MINDY4: variants seen among roughly 807,000 people sequenced by gnomAD.
MINDY4 encodes MINDY lysine 48 deubiquitinase 4.
MINDY4 carries 68 observed loss-of-function variants against 87.0 expected under a neutral mutation model. The observed-to-expected ratio is 0.78, with a 90% CI of 0.64 to 0.96. The LOEUF is 0.96. MINDY4 is among the 40% of genes least tolerant of loss of function. The pLI, the probability that MINDY4 is intolerant of heterozygous loss-of-function variation, is 0.00. For missense variants in MINDY4, 919 were observed against 928.2 expected, an observed-to-expected ratio of 0.99 and a Z score of 0.13; for synonymous variants, 379 against 363.2, an observed-to-expected ratio of 1.04 and a Z score of -0.50.
chr7:30,784,247 C>T (rs1210264511), intron 3 of MINDY4, among the ~76,000 whole-genome samples: 1 of 152,216 alleles, frequency 6.6e-6, no homozygotes, highest in Non-Finnish European at 1.5e-5. Context: ...GTTGAAGCTC[C>T]TGAGTCCCAC....
intron 9 of MINDY4, among the ~76,000 whole-genome samples, chr7:30,846,072 TC>T (rs752945933): frequency 6.0e-4 from 92 of 152,232 alleles, no homozygotes; most frequent in Admixed American, 1.3e-3. Flanking sequence ...AGTCCTCCTC[TC>T]ACTTCCACTT....
At chr7:30,881,016 C>G (rs1040235450) in intron 15 of MINDY4, among the ~76,000 whole-genome samples, 2 of 152,188 alleles carry the variant, frequency 1.3e-5, no homozygotes, top group Admixed American at 6.5e-5. Context: ...ATGCCCTTCT[C>G]CCCACTGGAA....
intron 9 of MINDY4, among the ~76,000 whole-genome samples, chr7:30,842,999 C>T (rs1789088426): frequency 6.6e-6 from 1 of 152,118 alleles, no homozygotes; most frequent in Admixed American, 6.5e-5. Context: ...CCAGCTGGTG[C>T]TCTTGCTCAT....
intron 5 of MINDY4, among the ~76,000 whole-genome samples, chr7:30,817,481 C>T (rs954830825): frequency 6.6e-6 from 1 of 150,434 alleles, no homozygotes; most frequent in Non-Finnish European, 1.5e-5. Context: ...TCCAGCAGTT[C>T]AGTCATTCAT....
chr7:30,879,355 A>G (rs1790388712), intron 15 of MINDY4, among the ~76,000 whole-genome samples: 1 of 152,214 alleles, frequency 6.6e-6, no homozygotes, highest in Admixed American at 6.5e-5. Context: ...CACGGCCTTC[A>G]GAAACAACCC....
At chr7:30,851,682 G>A (rs1206635233) in intron 10 of MINDY4, among the ~76,000 whole-genome samples, 10 of 152,190 alleles carry the variant, frequency 6.6e-5, no homozygotes, top group Admixed American at 5.9e-4. Flanking sequence ...CTGTTTTACA[G>A]ATTAGGAAAC....
intron 8 of MINDY4, among the ~76,000 whole-genome samples, chr7:30,840,380 G>A (rs1788994180): frequency 6.6e-6 from 1 of 152,208 alleles, no homozygotes; most frequent in Non-Finnish European, 1.5e-5. Flanking sequence ...TGGAGGAGGA[G>A]AACTTTAGGA....
At chr7:30,851,451 A>C (rs1022075832) in intron 10 of MINDY4, among the ~76,000 whole-genome samples, 1 of 152,242 alleles carries the variant, frequency 6.6e-6, no homozygotes, top group African/African-American at 2.4e-5. Flanking sequence ...AGTTTAAATC[A>C]TTTTATCAAT....
At chr7:30,874,526 G>T (rs1790202961) in intron 14 of MINDY4, among the ~76,000 whole-genome samples, 1 of 152,224 alleles carries the variant, frequency 6.6e-6, no homozygotes, top group Non-Finnish European at 1.5e-5. Context: ...GGGAGGCATG[G>T]GTTGCAGGTG....
chr7:30,799,465 T>A (rs1311173546), intron 5 of MINDY4, among the ~76,000 whole-genome samples: 1 of 152,224 alleles, frequency 6.6e-6, no homozygotes, highest in Admixed American at 6.5e-5. Flanking sequence ...TTCCAGGCTG[T>A]TCCTGGCTGC....
At position 30,840,839 on chromosome 7, in the gene MINDY4, A is replaced by T; in HGVS notation, c.1436A>T (p.Asp479Val). Residue 479 changes from aspartate (D) to valine (V), a missense_variant, in exon 9 of 18, where the codon GAC becomes GTC. Coordinates refer to ENST00000265299, the MANE Select transcript of MINDY4 (RefSeq NM_032222.3). ...CTGTTTGAAGGAGATAGCAAAGCCG[A>T]CTGTGCTCAGTAAGTCAGTGCTCTT... ...KLLFEGDSKA[D>V]CAQGLQPSDA... 1.9e-6 allele frequency: 3 copies of T among 1,614,036 alleles called. No homozygotes were observed. The highest frequency in any genetic ancestry group is 2.5e-6 in the Non-Finnish European group (3 of 1,179,870).
intron 12 of MINDY4, chr7:30,858,968 G>A (rs1584324909): frequency 1.4e-5 from 9 of 663,310 alleles, no homozygotes; most frequent in Admixed American, 1.2e-4. Context: ...CCATAATGGA[G>A]CTGGCCATGA....
At chr7:30,795,187 A>T (rs1477381331) in intron 5 of MINDY4, among the ~76,000 whole-genome samples, 1 of 152,176 alleles carries the variant, frequency 6.6e-6, no homozygotes, top group African/African-American at 2.4e-5. Flanking sequence ...ACACTCCTAC[A>T]GTTGGCTTTC....
chr7:30,868,699 C>T (rs942854415), intron 13 of MINDY4, among the ~76,000 whole-genome samples: 22 of 152,212 alleles, frequency 1.4e-4, no homozygotes, highest in African/African-American at 4.6e-4. Context: ...CTTGATACAG[C>T]GTAGTATCTC....
intron 1 of MINDY4, 49 bp from the exon 2 acceptor site, chr7:30,778,383 C>T (rs200855134): frequency 4.1e-4 from 663 of 1,612,602 alleles, no homozygotes; most frequent in Non-Finnish European, 4.7e-4. Context: ...ATGAGAACAG[C>T]GGGTTTTGAT....
intron 5 of MINDY4, among the ~76,000 whole-genome samples, chr7:30,796,290 C>T (rs1787487293): frequency 6.6e-6 from 1 of 152,140 alleles, no homozygotes; most frequent in African/African-American, 2.4e-5. Context: ...CAACAGGAAA[C>T]CCACAGCCAT....
chr7:30,867,704 G>A (rs912035587), intron 13 of MINDY4, among the ~76,000 whole-genome samples: 1 of 152,176 alleles, frequency 6.6e-6, no homozygotes, highest in African/African-American at 2.4e-5. Context: ...GCTGGTGGGT[G>A]GGGGAAGTGT....
At chr7:30,890,495 T>A (rs1294485145) in intron 17 of MINDY4, among the ~76,000 whole-genome samples, 1 of 152,178 alleles carries the variant, frequency 6.6e-6, no homozygotes, top group Non-Finnish European at 1.5e-5. Context: ...GCCATTAAGA[T>A]TTTTTTCTCC....
intron 14 of MINDY4, 132 bp from the exon 15 acceptor site, chr7:30,875,363 C>T (rs1174846426): frequency 9.8e-7 from 1 of 1,021,896 alleles, no homozygotes; most frequent in Non-Finnish European, 1.5e-6. Flanking sequence ...TCACAGCCTC[C>T]TCTGCTCTCA....
Sources: allele counts gnomAD v4.1 joint callset (sites outside exome capture counted in the v4.1 genomes callset), GRCh38; gene constraint gnomAD v4.1.1; transcripts MANE v1.5; gene names NCBI Gene and HGNC (gene_info 2026-07-23, HGNC 2026-07-21).